Variants in ADAM18 observed in about 807,000 individuals in gnomAD.
The protein encoded by ADAM18 is ADAM metallopeptidase domain 18, also known as disintegrin and metalloproteinase domain-containing protein 18.
Under a neutral mutation model 94.4 loss-of-function variants are expected in ADAM18, and 117 were observed. The ratio of observed to expected loss-of-function variants is 1.24; its 90% CI spans 1.07 to 1.45. The LOEUF (loss-of-function observed/expected upper bound fraction) is 1.45. Among genes scored for constraint, ADAM18 ranks in the 40% most tolerant of loss-of-function variants. The probability of loss-of-function intolerance (pLI) is 0.00; values close to 1 mark genes in which losing one functional copy is unlikely to be tolerated. For missense variants in ADAM18, 936 were observed against 880.0 expected, an observed-to-expected ratio of 1.06 and a Z score of -0.81; for synonymous variants, 327 against 291.6, an observed-to-expected ratio of 1.12 and a Z score of -1.24.
chr8:39,706,029 C>T (rs1350398212), intron 17 of ADAM18, among the ~76,000 whole-genome samples: 1 of 152,010 alleles, frequency 6.6e-6, no homozygotes, highest in African/African-American at 2.4e-5. Context: ...GGAAATGGGA[C>T]TTAAATAGTG....
chr8:39,663,343 C>T (rs1019522678), intron 12 of ADAM18, among the ~76,000 whole-genome samples: 6 of 145,460 alleles, frequency 4.1e-5, no homozygotes, highest in African/African-American at 5.1e-5. Flanking sequence ...AATCCTAGCA[C>T]TTTGTGAGGC....
intron 2 of ADAM18, among the ~76,000 whole-genome samples, chr8:39,596,957 G>GA (rs1300562127): frequency 6.6e-6 from 1 of 152,126 alleles, no homozygotes; most frequent in Non-Finnish European, 1.5e-5. Context: ...TAGGTTCAGA[G>GA]AAAAGATTAG....
chr8:39,729,440 CTA>C (rs1823011637), intron 19 of ADAM18, among the ~76,000 whole-genome samples: 1 of 152,022 alleles, frequency 6.6e-6, no homozygotes, highest in Admixed American at 6.6e-5. Context: ...CATGTTAACT[CTA>C]TTGTTTTCAT....
intron 12 of ADAM18, among the ~76,000 whole-genome samples, chr8:39,656,184 A>G (rs1689035859): frequency 6.6e-6 from 1 of 152,072 alleles, no homozygotes; most frequent in South Asian, 2.1e-4. Context: ...AAAGCTAGCC[A>G]AGGTGATCTT....
intron 17 of ADAM18, among the ~76,000 whole-genome samples, chr8:39,706,393 T>C (rs1822242631): frequency 6.6e-6 from 1 of 152,152 alleles, no homozygotes; most frequent in African/African-American, 2.4e-5. Context: ...CAATGCTTTC[T>C]ATAGACATTG....
chr8:39,594,210 C>A (rs1033768174), intron 2 of ADAM18, among the ~76,000 whole-genome samples: 1 of 152,010 alleles, frequency 6.6e-6, no homozygotes, highest in African/African-American at 2.4e-5. Context: ...CATCATTTCA[C>A]CAGGTTAAGC....
chr8:39,668,479 G>C (rs1054594786), intron 14 of ADAM18, among the ~76,000 whole-genome samples: 3 of 152,052 alleles, frequency 2.0e-5, no homozygotes, highest in Admixed American at 2.0e-4. Flanking sequence ...AAAATCAGTA[G>C]ATTCTAAAAT....
At chr8:39,633,465 A>C (rs2129579187) in intron 7 of ADAM18, among the ~76,000 whole-genome samples, 1 of 152,288 alleles carries the variant, frequency 6.6e-6, no homozygotes, top group Admixed American at 6.5e-5. Context: ...GAAATTACTT[A>C]AGTGGTCATG....
intron 2 of ADAM18, among the ~76,000 whole-genome samples, chr8:39,601,682 TAC>T (rs1439396870): frequency 2.0e-5 from 3 of 152,254 alleles, no homozygotes; most frequent in Admixed American, 1.3e-4. Flanking sequence ...TACAATAACG[TAC>T]ATAAGATAAA....
chr8:39,690,931 A>G (rs1314797590), intron 16 of ADAM18, among the ~76,000 whole-genome samples: 2 of 152,232 alleles, frequency 1.3e-5, no homozygotes, highest in Non-Finnish European at 2.9e-5. Flanking sequence ...ACTATTCACA[A>G]TAGCAAAGAC....
chr8:39,696,270 A>C (rs1205417735), intron 17 of ADAM18, among the ~76,000 whole-genome samples: 1 of 72,666 alleles, frequency 1.4e-5, no homozygotes, highest in Non-Finnish European at 2.6e-5. Flanking sequence ...AATTATTTAT[A>C]TATTTTGGAT....
intron 17 of ADAM18, among the ~76,000 whole-genome samples, chr8:39,697,703 A>C (rs1821964834): frequency 6.6e-6 from 1 of 151,710 alleles, no homozygotes; most frequent in African/African-American, 2.4e-5. Context: ...TGGTGGCTAA[A>C]ATTAACATTT....
chr8:39,585,429 A>G (rs1818369680), intron 2 of ADAM18, 77 bp downstream of exon 2: 4 of 1,066,232 alleles, frequency 3.8e-6, no homozygotes, highest in Non-Finnish European at 5.6e-6. Flanking sequence ...AAGTCAGATC[A>G]TACTAATTTG....
chr8:39,610,857 T>A, intron 6 of ADAM18, 151 bp downstream of exon 6: 1 of 1,276,388 alleles, frequency 7.8e-7, no homozygotes, highest in South Asian at 2.5e-5. Context: ...AAACTTCATC[T>A]AAAATATTTG....
chr8:39,671,292 T>C lies in ADAM18; in HGVS notation c.1525+3096T>C, dbSNP rs78645176. 9.8e-3 allele frequency among the ~76,000 whole-genome samples: 1,497 copies of C among 152,346 alleles called. 14 individuals carry two copies. Among genetic ancestry groups the C allele is most frequent in the Middle Eastern group, 0.024 (7 of 294 alleles). ...GGGATAGTATACTTGTAAGAGAGAA[T>C]ACATTAGCTGGTACAATTGAAATTA... On this transcript the variant is annotated intron_variant, in intron 14 of 19. Coordinates refer to ENST00000265707, the MANE Select transcript of ADAM18 (RefSeq NM_014237.3).
At chr8:39,629,294 G>T in intron 6 of ADAM18, 80 bp from the exon 7 acceptor site, 21 of 1,059,326 alleles carry the variant, frequency 2.0e-5, no homozygotes, top group South Asian at 6.4e-5. Context: ...GCAATTTTTC[G>T]CTGTCTTTAC....
At chr8:39,620,067 C>T (rs2129578770) in intron 6 of ADAM18, among the ~76,000 whole-genome samples, 2 of 152,090 alleles carry the variant, frequency 1.3e-5, no homozygotes, top group South Asian at 4.1e-4. Context: ...GCATTTACAG[C>T]CATCCTTTTT....
intron 2 of ADAM18, among the ~76,000 whole-genome samples, chr8:39,594,355 A>G (rs1278639851): frequency 6.6e-6 from 1 of 152,198 alleles, no homozygotes; most frequent in Non-Finnish European, 1.5e-5. Flanking sequence ...TTAATTTGGA[A>G]AACTCAATAT....
chr8:39,655,185 A>G (rs1057278613), intron 12 of ADAM18, among the ~76,000 whole-genome samples: 26 of 152,120 alleles, frequency 1.7e-4, no homozygotes, highest in African/African-American at 6.0e-4. Flanking sequence ...TCTTTAACTC[A>G]CTTTTAGTTA....
Sources: gnomAD v4.1 joint callset for allele counts (sites outside exome capture counted in the v4.1 genomes callset) on GRCh38, gnomAD v4.1.1 for gene constraint, MANE v1.5 for transcripts, NCBI Gene and HGNC (gene_info 2026-07-23, HGNC 2026-07-21) for gene names.